Variants in TLL2 observed in about 807,000 individuals in gnomAD.
TLL2 encodes tolloid-like protein 2.
TLL2 carries 106 observed loss-of-function variants against 123.0 expected under a neutral mutation model. That is an observed-to-expected ratio of 0.86 (90% CI 0.74 to 1.01). The LOEUF (loss-of-function observed/expected upper bound fraction) is 1.01. Ranked by LOEUF, TLL2 falls within the 50% of genes least tolerant of loss-of-function variation. The pLI is 0.00. For missense variants in TLL2, 1,332 were observed against 1,336.7 expected (o/e 1.00, Z 0.06); for synonymous variants, 494 against 516.8 (o/e 0.96, Z 0.60).
At chr10:96,410,328 G>A (rs372645640) in intron 9 of TLL2, 31 bp downstream of exon 9, 135 of 1,545,790 alleles carry the variant, frequency 8.7e-5, no homozygotes, top group Admixed American at 2.9e-4. Context: ...AAGGAGTGCC[G>A]TCCCATTTGC....
rs148178717 is a variant in TLL2 at position 96,379,007 on chromosome 10, G to A, written c.2280C>T (p.Asn760=). 304 of 1,614,194 alleles carry A rather than the reference G, an allele frequency of 1.9e-4. No individual in the cohort carries two copies. The highest frequency in any genetic ancestry group is 3.3e-4 in the Middle Eastern group (2 of 6,062). The change falls in exon 17 of 21, where the codon AAC becomes AAT. Residue 760 remains asparagine (N), a synonymous_variant. Transcript: ENST00000357947. ...GCCCATTCTCGTGGAGCCAGTAGCC[G>A]TTTCTGCACCTGCACAGGTAGCTCC... is the stretch of plus-strand genomic sequence containing the variant. ...TFGSYLCRCR[N]GYWLHENGHD...
At chr10:96,418,719 A>G (rs1406775382) in intron 7 of TLL2, among the ~76,000 whole-genome samples, 1 of 148,008 alleles carries the variant, frequency 6.8e-6, no homozygotes, top group Non-Finnish European at 1.5e-5. Context: ...ATATGTATAT[A>G]TAAATATATA....
intron 7 of TLL2, among the ~76,000 whole-genome samples, chr10:96,420,625 CAA>C (rs1469726156): frequency 6.6e-6 from 1 of 152,198 alleles, no homozygotes; most frequent in Non-Finnish European, 1.5e-5. Flanking sequence ...CATGCTTCTA[CAA>C]AAGACTCCCC....
chr10:96,439,478 G>T lies in TLL2; in HGVS notation c.365-6516C>A, dbSNP rs963726610. Among the ~76,000 whole-genome samples, 6 of 152,088 alleles carry T rather than the reference G, an allele frequency of 3.9e-5. No homozygotes were observed. The East Asian group carries it at 7.8e-4, about 20-fold the overall frequency. On this transcript the variant is annotated intron_variant, in intron 3 of 20. Coordinates refer to ENST00000357947, the MANE Select transcript of TLL2 (RefSeq NM_012465.4). The stretch of plus-strand genomic sequence containing the variant: ...GCCCCTTGGCTGAATTCTTTCCTCC[G>T]AGGAGGCAAGAATCAAATTGCTGCA...
intron 16 of TLL2, among the ~76,000 whole-genome samples, chr10:96,379,906 C>A (rs777070840): frequency 3.3e-5 from 5 of 152,216 alleles, no homozygotes; most frequent in Non-Finnish European, 5.9e-5. Context: ...GAGCAAGCAT[C>A]CTCTGTGGCC....
chr10:96,396,081 G>A, intron 11 of TLL2, 61 bp from the exon 12 acceptor site: 1 of 1,570,674 alleles, frequency 6.4e-7, no homozygotes, highest in Non-Finnish European at 8.7e-7. Context: ...ACTTAGGAAG[G>A]AAGGTTGGGG....
chr10:96,396,576 CCT>C (rs1846343037), intron 11 of TLL2, among the ~76,000 whole-genome samples: 1 of 146,732 alleles, frequency 6.8e-6, no homozygotes, highest in Admixed American at 6.8e-5. Flanking sequence ...GTAGTTTTCC[CCT>C]TTCTTTTTTT....
Position 96,433,034 on chromosome 10 carries a change from ATCC to A in TLL2, c.365-75_365-73del. 17 of 1,556,926 alleles carry A rather than the reference ATCC, an allele frequency of 1.1e-5. No homozygotes were observed. The Admixed American group carries it at 1.9e-4, about 18-fold the overall frequency. ...TGTGAATTATGGCTGAGGTTGTATTATCCACAATTCCAAAAAGGGGGTGTTAAA... is the reference window on the plus strand; with the variant it reads ...TGTGAATTATGGCTGAGGTTGTATTAACAATTCCAAAAAGGGGGTGTTAAA... On this transcript the variant is annotated intron_variant, in intron 3 of 20. Transcript: ENST00000357947.
Position 96,395,882 on chromosome 10 carries a change from G to T in TLL2, c.1523C>A (p.Ala508Asp), listed in dbSNP as rs1182651877. The change falls in exon 12 of 21, where the codon GCT (alanine) becomes GAT (aspartate). Residue 508 changes from alanine to aspartate, a missense_variant. Physicochemically the swap from Ala to Asp is moderately radical, Grantham distance 126. Transcript: ENST00000357947. The part of the protein sequence containing the change: ...EGFHVGLTFQ[A>D]FEIERHDSCA... ...GGTCTGAGCAGCACTCACCTCAAAA[G>T]CTTGGAAGGTAAGTCCCACGTGAAA... The T allele has an allele frequency of 1.9e-6, 3 of 1,614,080 alleles. No homozygotes were observed.
At position 96,506,206 on chromosome 10, in the gene TLL2, C is replaced by T. The variant is rs186873721; in HGVS notation, c.175+7305G>A. Among the ~76,000 whole-genome samples, 380 of 126,430 alleles carry T rather than the reference C, an allele frequency of 3.0e-3. 5 individuals carry two copies. The highest frequency in any genetic ancestry group is 0.02 in the Middle Eastern group (4 of 202). 82.9% of individuals were successfully genotyped at this position (126,430 alleles called of 152,430 possible). A position where few individuals can be genotyped will look rare whatever the true frequency, so the allele number is the denominator to read the frequency against. On this transcript the variant is annotated intron_variant, in intron 1 of 20. Coordinates refer to ENST00000357947, the MANE Select transcript of TLL2 (RefSeq NM_012465.4). Reference sequence around the variant, plus strand: ...AGTGGAGGTTGTAGCGAGCTGAGATCGTGCCACTGCACTCAGGCCTGGATG... The same window carrying T: ...AGTGGAGGTTGTAGCGAGCTGAGATTGTGCCACTGCACTCAGGCCTGGATG...
intron 12 of TLL2, 93 bp downstream of exon 12, chr10:96,395,782 T>C: frequency 6.6e-7 from 1 of 1,524,460 alleles, no homozygotes; most frequent in Non-Finnish European, 8.9e-7. Flanking sequence ...AGGTTCCTGT[T>C]TTTAGCCAAA....
intron 15 of TLL2, among the ~76,000 whole-genome samples, chr10:96,385,388 G>A (rs1564895629): frequency 6.6e-6 from 1 of 152,134 alleles, no homozygotes. Context: ...TTCACTTTGG[G>A]GTGACACCCT....
intron 1 of TLL2, among the ~76,000 whole-genome samples, chr10:96,495,972 A>T (rs1347430354): frequency 6.6e-6 from 1 of 152,208 alleles, no homozygotes; most frequent in Non-Finnish European, 1.5e-5. Context: ...AAAACTGAAG[A>T]ATTTCTAAGA....
intron 4 of TLL2, among the ~76,000 whole-genome samples, chr10:96,431,390 AACTT>A (rs1215539108): frequency 3.3e-5 from 5 of 152,142 alleles, no homozygotes; most frequent in African/African-American, 9.7e-5. Context: ...ACCGTTCCCT[AACTT>A]ACTCATCAGC....
At chr10:96,476,238 A>ATTTTTTTT (rs1466902949) in intron 2 of TLL2, among the ~76,000 whole-genome samples, 2 of 17,502 alleles carry the variant, frequency 1.1e-4, no homozygotes, top group African/African-American at 2.0e-4. Flanking sequence ...ATATATATAT[A>ATTTTTTTT]TATTTTATTT....
intron 11 of TLL2, 70 bp from the exon 12 acceptor site, chr10:96,396,090 G>C: frequency 6.4e-7 from 1 of 1,555,588 alleles, no homozygotes; most frequent in Non-Finnish European, 8.7e-7. Context: ...GGAAGGTTGG[G>C]GAGGCGGGGG....
At chr10:96,486,559 C>G (rs1429835515) in intron 1 of TLL2, among the ~76,000 whole-genome samples, 2 of 152,106 alleles carry the variant, frequency 1.3e-5, no homozygotes, top group African/African-American at 2.4e-5. Flanking sequence ...TTTCCTTTGA[C>G]ACTCGGGGGT....
chr10:96,388,759 T>G (rs1846259719), intron 13 of TLL2, among the ~76,000 whole-genome samples: 1 of 152,222 alleles, frequency 6.6e-6, no homozygotes, highest in African/African-American at 2.4e-5. Context: ...CGTCCTTGTC[T>G]GTGATGCACA....
chr10:96,459,734 C>A (rs1348877443), intron 2 of TLL2, among the ~76,000 whole-genome samples: 13 of 44,830 alleles, frequency 2.9e-4, no homozygotes, highest in East Asian at 9.9e-4. Context: ...ATATATATAG[C>A]AGCTAAAATG....
Sources: gnomAD v4.1 joint callset for allele counts (sites outside exome capture counted in the v4.1 genomes callset) on GRCh38, gnomAD v4.1.1 for gene constraint, MANE v1.5 for transcripts, NCBI Gene and HGNC (gene_info 2026-07-23, HGNC 2026-07-21) for gene names.